The following SRGAP3 variants were observed in gnomAD, a reference collection of about 807,000 sequenced individuals.
SRGAP3 encodes SLIT-ROBO Rho GTPase activating protein 3.
Under a neutral mutation model 121.1 loss-of-function variants are expected in SRGAP3, and 39 were observed. The observed-to-expected ratio is 0.32, with a 90% CI of 0.25 to 0.42. SRGAP3 has a LOEUF of 0.42. SRGAP3 is among the 10% of genes least tolerant of loss of function. The pLI, the probability that SRGAP3 is intolerant of heterozygous loss-of-function variation, is 1.00. For missense variants in SRGAP3, 1,213 were observed against 1,470.6 expected (o/e 0.82, Z 2.86); for synonymous variants, 601 against 570.0 (o/e 1.05, Z -0.77).
chr3:9,147,811 G>A (rs1575144725), intron 1 of SRGAP3, among the ~76,000 whole-genome samples: 1 of 152,282 alleles, frequency 6.6e-6, no homozygotes. Context: ...AGAAAGGAAT[G>A]CAGCCTGTGC....
intron 10 of SRGAP3, among the ~76,000 whole-genome samples, chr3:9,039,478 C>T (rs1001930289): frequency 2.2e-4 from 34 of 152,210 alleles, no homozygotes; most frequent in African/African-American, 7.7e-4. Context: ...ATAAAAATAG[C>T]ATAACTGAGG....
At chr3:9,024,791 C>T (rs565291183) in intron 14 of SRGAP3, among the ~76,000 whole-genome samples, 1 of 152,316 alleles carries the variant, frequency 6.6e-6, no homozygotes, top group Non-Finnish European at 1.5e-5. Flanking sequence ...TCAGTATTTT[C>T]TATGTTCTTC....
intron 3 of SRGAP3, among the ~76,000 whole-genome samples, chr3:9,313,250 G>A (rs866507989): frequency 2.6e-5 from 4 of 152,124 alleles, no homozygotes; most frequent in Admixed American, 6.6e-5. Context: ...CACATGGCAC[G>A]TTCACTCAGC....
intron 1 of SRGAP3, among the ~76,000 whole-genome samples, chr3:9,174,925 C>T (rs1362035811): frequency 6.6e-6 from 1 of 152,180 alleles, no homozygotes; most frequent in African/African-American, 2.4e-5. Flanking sequence ...ATGGGAGCAG[C>T]TCAGCAAAGG....
intron 1 of SRGAP3, chr3:9,349,186 G>A (rs1400600062): frequency 7.0e-6 from 5 of 712,524 alleles, no homozygotes; most frequent in South Asian, 6.8e-5. Context: ...GTAAGGCCAA[G>A]AAGTAAAGGC....
At position 9,104,726 on chromosome 3, in the gene SRGAP3, A is replaced by G. The variant is rs762563601; in HGVS notation, c.377T>C (p.Val126Ala). 1.2e-6 allele frequency: 2 copies of G among 1,614,254 alleles called. No individual in the cohort carries two copies. The highest frequency in any genetic ancestry group is 1.1e-5 in the South Asian group (1 of 91,084). The change falls in exon 3 of 22, where the codon GTC becomes GCC. Residue 126 changes from valine (V) to alanine (A), a missense_variant. Transcript: ENST00000383836. ...ATCCTCACTGATCTGGGAGAGGCGG[A>G]CGATGACATTGTTCATGAAGATGTC... ...LNDIFMNNVIVRLSQISEDVI... is the reference protein window; with the variant it reads ...LNDIFMNNVIARLSQISEDVI...
intron 1 of SRGAP3, among the ~76,000 whole-genome samples, chr3:9,331,280 T>C (rs1031787882): frequency 6.6e-6 from 1 of 152,190 alleles, no homozygotes; most frequent in African/African-American, 2.4e-5. Flanking sequence ...TTTCCACACA[T>C]TCCCTCTCTC....
chr3:9,160,778 A>G (rs1442597882), intron 1 of SRGAP3, among the ~76,000 whole-genome samples: 2 of 152,238 alleles, frequency 1.3e-5, no homozygotes, highest in East Asian at 3.8e-4. Flanking sequence ...TCTGGCTTAC[A>G]CAAAGTGCTT....
At chr3:9,147,450 T>C (rs62244865) in intron 1 of SRGAP3, among the ~76,000 whole-genome samples, 1,967 of 152,164 alleles carry the variant, frequency 0.013, 23 homozygotes, top group South Asian at 0.032. Context: ...GAAACGGTGG[T>C]TGAGTTAATG....
rs547764320 is a variant in SRGAP3, at chr3:8,990,679, C to T, written c.2719G>A (p.Glu907Lys). 1.4e-5 allele frequency: 22 copies of T among 1,613,524 alleles called. No individual in the cohort carries two copies. The highest frequency in any genetic ancestry group is 4.5e-5 in the East Asian group (2 of 44,858). ...HKIPLTRGRI[E>K]SPEKRRMATF... is the part of the protein sequence containing the mutation. Reference sequence around the variant, plus strand: ...GCCATCCTCCGCTTCTCAGGGCTCTCGATCCTCCCCCGGGTGAGGGGGATT... The same window carrying T: ...GCCATCCTCCGCTTCTCAGGGCTCTTGATCCTCCCCCGGGTGAGGGGGATT... The change falls in exon 21 of 22, where the codon GAG becomes AAG. Residue 907 changes from glutamate (E) to lysine (K), a missense_variant. Transcript: ENST00000383836.
intron 9 of SRGAP3, among the ~76,000 whole-genome samples, chr3:9,049,854 A>G (rs1945481146): frequency 6.6e-6 from 1 of 150,838 alleles, no homozygotes. Context: ...GCTCACTGCA[A>G]TCTCTGCCTC....
At chr3:9,251,171 G>A (rs764948015), upstream of SRGAP3, among the ~76,000 whole-genome samples, 8 of 152,148 alleles carry the variant, frequency 5.3e-5, no homozygotes, top group Non-Finnish European at 1.2e-4. Context: ...TGTTCTCCTG[G>A]AGCACACAGC....
At chr3:9,087,105 T>C (rs1015336404) in intron 3 of SRGAP3, among the ~76,000 whole-genome samples, 1 of 152,048 alleles carries the variant, frequency 6.6e-6, no homozygotes, top group African/African-American at 2.4e-5. Flanking sequence ...TGTGTGTATA[T>C]ATATTTATAT....
chr3:9,013,678 C>A (rs1943483537), intron 16 of SRGAP3, 59 bp downstream of exon 16: 1 of 1,586,382 alleles, frequency 6.3e-7, no homozygotes, highest in Non-Finnish European at 8.7e-7. Flanking sequence ...CCTCAAGATA[C>A]CCCCTCCCAA....
At chr3:9,125,943 C>A (rs1282651360) in intron 1 of SRGAP3, among the ~76,000 whole-genome samples, 2 of 152,220 alleles carry the variant, frequency 1.3e-5, no homozygotes, top group African/African-American at 4.8e-5. Context: ...AATGGACTCT[C>A]CAAACCATTC....
At chr3:9,357,962 C>T (rs754980817) in intron 1 of SRGAP3, among the ~76,000 whole-genome samples, 1 of 151,976 alleles carries the variant, frequency 6.6e-6, no homozygotes, top group Non-Finnish European at 1.5e-5. Flanking sequence ...GCAACCTCTG[C>T]TTCCCAGGTT....
intron 1 of SRGAP3, among the ~76,000 whole-genome samples, chr3:9,245,738 A>G (rs1953794564): frequency 6.6e-6 from 1 of 152,216 alleles, no homozygotes; most frequent in Non-Finnish European, 1.5e-5. Flanking sequence ...AGCCTGGCCA[A>G]CATGGTGAAA....
chr3:9,013,522 T>C lies in SRGAP3; in HGVS notation c.1933A>G (p.Ser645Gly), dbSNP rs779018219. ...FAFLNHLSQYSDENMMDPYNL... is the reference protein window; with the variant it reads ...FAFLNHLSQYGDENMMDPYNL... ...TAGGGATCCATCATGTTCTCGTCGC[T>C]ATACTGGGAGAGGCTAGGAGAGAGG... Residue 645 changes from serine (S) to glycine (G), a missense_variant, in exon 17 of 22, where the codon AGC (serine) becomes GGC (glycine). Physicochemically the swap from Ser to Gly is moderately conservative, Grantham distance 56. Around this residue, in one of 2 missense-constraint regions of SRGAP3, gnomAD observed 793 missense variants for 1,032.9 expected, o/e 0.77. Transcript: ENST00000383836. The C allele has an allele frequency of 6.2e-7, 1 of 1,614,056 alleles. No individual in the cohort carries two copies.
At chr3:9,149,952 C>G (rs970513453) in intron 1 of SRGAP3, among the ~76,000 whole-genome samples, 28 of 152,228 alleles carry the variant, frequency 1.8e-4, no homozygotes, top group African/African-American at 6.5e-4. Flanking sequence ...GTTGAGTGCC[C>G]CCGACGTGTC....
Sources: allele counts gnomAD v4.1 joint callset (sites outside exome capture counted in the v4.1 genomes callset), GRCh38; gene constraint gnomAD v4.1.1; regional missense constraint gnomAD v4.1.1; transcripts MANE v1.5; gene names NCBI Gene and HGNC (gene_info 2026-07-23, HGNC 2026-07-21).